Variants in ZNF354B observed in about 807,000 individuals in gnomAD.
The protein encoded by ZNF354B is zinc finger protein 354B.
A neutral mutation model predicts 12.9 loss-of-function variants in ZNF354B; 10 were observed. That is an observed-to-expected ratio of 0.77 (90% CI 0.48 to 1.31). The LOEUF is 1.31. Among genes scored for constraint, ZNF354B ranks in the 40% most tolerant of loss-of-function variants. The pLI is 0.00. For synonymous variants in ZNF354B, 260 were observed against 243.7 expected, an observed-to-expected ratio of 1.07 and a Z score of -0.62; for missense variants, 614 against 711.7, an observed-to-expected ratio of 0.86 and a Z score of 1.56.
chr5:178,873,431 A>G (rs1645948065), intron 4 of ZNF354B, among the ~76,000 whole-genome samples: 1 of 152,200 alleles, frequency 6.6e-6, no homozygotes, highest in Non-Finnish European at 1.5e-5. Context: ...TACATTTTAC[A>G]TTTATATTCA....
chr5:178,867,014 C>G lies in ZNF354B; in HGVS notation c.199C>G (p.Gln67Glu), dbSNP rs1263280286. 3.1e-6 allele frequency: 5 copies of G among 1,614,004 alleles called. No individual in the cohort carries two copies. The South Asian group carries it at 4.4e-5, about 14-fold the overall frequency. Residue 67 changes from glutamine (Q) to glutamate (E), a missense_variant, in exon 4 of 5, where the codon CAG (glutamine) becomes GAG (glutamate). By Grantham distance (29) the Gln-to-Glu change is conservative. Transcript: ENST00000322434. Reference protein sequence around the residue: ...FTKPKVISLLQQGEDPWEVEK... With the variant: ...FTKPKVISLLEQGEDPWEVEK... The stretch of plus-strand genomic sequence containing the variant: ...CAAACCAAAAGTCATCTCCCTGTTG[C>G]AGCAAGGAGAAGATCCCTGGGAGGT...
At chr5:178,867,395 A>T (rs1332032659) in intron 4 of ZNF354B, among the ~76,000 whole-genome samples, 1 of 152,158 alleles carries the variant, frequency 6.6e-6, no homozygotes, top group African/African-American at 2.4e-5. Context: ...GGAAAGGAGG[A>T]GGTGAGGAAG....
chr5:178,866,904 A>C (rs751479485), intron 3 of ZNF354B, 72 bp from the exon 4 acceptor site: 3 of 1,451,814 alleles, frequency 2.1e-6, no homozygotes, highest in Admixed American at 3.5e-5. Flanking sequence ...CGGTTACCCT[A>C]ATAATCAAGG....
intron 4 of ZNF354B, among the ~76,000 whole-genome samples, chr5:178,874,802 T>G (rs775961722): frequency 1.3e-5 from 2 of 152,228 alleles, no homozygotes; most frequent in African/African-American, 2.4e-5. Flanking sequence ...GAAGACACCC[T>G]GGGTTTTTGA....
intron 4 of ZNF354B, among the ~76,000 whole-genome samples, chr5:178,880,950 C>G (rs573824424): frequency 2.1e-5 from 3 of 143,722 alleles, no homozygotes; most frequent in South Asian, 2.3e-4. Flanking sequence ...TCAAGTGATT[C>G]TCCTGCCTCA....
rs778445501 is a variant in ZNF354B at position 178,883,851 on chromosome 5, A to C, written c.1399A>C (p.Lys467Gln). The change falls in exon 5 of 5, where the codon AAA (lysine) becomes CAA (glutamine). Residue 467 changes from lysine (K) to glutamine (Q), a missense_variant. Lys to Gln is a moderately conservative substitution (Grantham distance 53). Transcript: ENST00000322434. Reference protein sequence around the residue: ...ERIHTGEKPCKCKVCGKAFRQ... With the variant: ...ERIHTGEKPCQCKVCGKAFRQ... ...AATTCATACTGGAGAAAAACCATGT[A>C]AATGTAAAGTATGTGGAAAAGCCTT... 3 of 1,614,108 alleles carry C rather than the reference A, an allele frequency of 1.9e-6. No homozygotes were observed. In the South Asian group the frequency reaches 3.3e-5, roughly 18 times the overall value.
chr5:178,865,375 C>G (rs1757431581), intron 2 of ZNF354B, among the ~76,000 whole-genome samples: 1 of 152,068 alleles, frequency 6.6e-6, no homozygotes, highest in Admixed American at 6.6e-5. Context: ...TCAAGCGATT[C>G]TCCTGCCTCA....
At chr5:178,862,590 A>G (rs111295415) in intron 2 of ZNF354B, among the ~76,000 whole-genome samples, 1 of 151,860 alleles carries the variant, frequency 6.6e-6, no homozygotes, top group Non-Finnish European at 1.5e-5. Flanking sequence ...GGATGGCCTC[A>G]ATCTCCTGAC....
At position 178,867,063 on chromosome 5, in the gene ZNF354B, C is replaced by CAT; in HGVS notation, c.248_249insAT (p.Gly86Ter). The stretch of plus-strand genomic sequence containing the variant: ...GTGGAGAAAGACAGTTCTGGTGTCT[C>CAT]CTCTCTAGGTAAGTGGGTGGCCCGA... On this transcript the variant is annotated frameshift_variant, in exon 4 of 5. Transcript: ENST00000322434. LOFTEE classifies it low-confidence loss of function (END_TRUNC). 6.2e-7 allele frequency: 1 copy of CAT among 1,612,882 alleles called. No individual in the cohort carries two copies. Among genetic ancestry groups the CAT allele is most frequent in the Admixed American group, 1.7e-5 (1 of 60,014 alleles).
intron 2 of ZNF354B, among the ~76,000 whole-genome samples, chr5:178,862,768 T>C (rs1757381435): frequency 1.3e-5 from 2 of 152,202 alleles, no homozygotes; most frequent in African/African-American, 4.8e-5. Context: ...TCGAAGGCAT[T>C]CCTATTCCAT....
At chr5:178,869,462 A>G (rs1344732105) in intron 4 of ZNF354B, among the ~76,000 whole-genome samples, 1 of 152,180 alleles carries the variant, frequency 6.6e-6, no homozygotes, top group African/African-American at 2.4e-5. Flanking sequence ...AGCAGCAGGG[A>G]ACCAGGTGAG....
At chr5:178,875,282 T>A (rs79041830) in intron 4 of ZNF354B, among the ~76,000 whole-genome samples, 4,248 of 152,254 alleles carry the variant, frequency 0.028, 104 homozygotes, top group African/African-American at 0.067. Flanking sequence ...TTGGTGGTAG[T>A]TGTGGCAGAG....
intron 4 of ZNF354B, among the ~76,000 whole-genome samples, chr5:178,874,503 C>T (rs1757608312): frequency 6.6e-6 from 1 of 152,158 alleles, no homozygotes; most frequent in Non-Finnish European, 1.5e-5. Flanking sequence ...ACTTTGAGCT[C>T]TGAGATTTTT....
intron 4 of ZNF354B, among the ~76,000 whole-genome samples, chr5:178,870,542 A>C (rs191593704): frequency 3.3e-5 from 5 of 152,218 alleles, no homozygotes; most frequent in Non-Finnish European, 7.4e-5. Context: ...AGCCTCCCAA[A>C]AGGCTGGGAT....
intron 4 of ZNF354B, among the ~76,000 whole-genome samples, chr5:178,872,553 A>C (rs944722527): frequency 6.6e-6 from 1 of 152,216 alleles, no homozygotes; most frequent in African/African-American, 2.4e-5. Flanking sequence ...GTTTTTGAAG[A>C]CATAGCCAAG....
At chr5:178,882,003 T>A (rs1021141653) in intron 4 of ZNF354B, among the ~76,000 whole-genome samples, 1 of 152,196 alleles carries the variant, frequency 6.6e-6, no homozygotes, top group African/African-American at 2.4e-5. Flanking sequence ...GGGAAAATAA[T>A]GGGTGTCTTT....
rs772737265 is a variant in ZNF354B, at chr5:178,884,015, A to G, written c.1563A>G (p.Pro521=). The G allele has an allele frequency of 6.2e-7, 1 of 1,614,104 alleles. No individual in the cohort carries two copies. The highest frequency in any genetic ancestry group is 1.7e-5 in the Admixed American group (1 of 60,014). ...AGAGAATTCATACTGGAGAGAAACC[A>G]TATCGATGTTTAGAATGTGGGATGT... ...NHQRIHTGEK[P]YRCLECGMSF... The change falls in exon 5 of 5, where the codon CCA becomes CCG. Residue 521 remains proline, a synonymous_variant. Coordinates refer to ENST00000322434, the MANE Select transcript of ZNF354B (RefSeq NM_058230.3).
At chr5:178,862,083 T>TA (rs1196886769) in intron 2 of ZNF354B, among the ~76,000 whole-genome samples, 1 of 152,226 alleles carries the variant, frequency 6.6e-6, no homozygotes, top group Admixed American at 6.5e-5. Flanking sequence ...TTCATTTTTT[T>TA]ATCTAACAAT....
intron 4 of ZNF354B, among the ~76,000 whole-genome samples, chr5:178,874,057 A>G (rs1162746537): frequency 6.6e-6 from 1 of 151,938 alleles, no homozygotes; most frequent in Non-Finnish European, 1.5e-5. Context: ...CCTGGGCTCA[A>G]GCAATTCTCC....
Sources: gnomAD v4.1 joint callset for allele counts (sites outside exome capture counted in the v4.1 genomes callset) on GRCh38, gnomAD v4.1.1 for gene constraint, MANE v1.5 for transcripts, NCBI Gene and HGNC (gene_info 2026-07-23, HGNC 2026-07-21) for gene names.